Variants in SLC17A9 observed in about 807,000 individuals in gnomAD.
SLC17A9 encodes the protein solute carrier family 17 member 9.
Under a neutral mutation model 55.0 loss-of-function variants are expected in SLC17A9, and 49 were observed. The observed-to-expected ratio is 0.89, with a 90% CI of 0.71 to 1.13. SLC17A9 has a LOEUF of 1.13. Among genes scored for constraint, SLC17A9 ranks in the 50% most tolerant of loss-of-function variants. The pLI, the probability that SLC17A9 is intolerant of heterozygous loss-of-function variation, is 0.00. For synonymous variants in SLC17A9, 256 were observed against 247.4 expected, an observed-to-expected ratio of 1.03 and a Z score of -0.32; for missense variants, 526 against 569.3, an observed-to-expected ratio of 0.92 and a Z score of 0.77.
At chr20:62,965,462 G>C (rs951686307) in intron 9 of SLC17A9, 148 bp from the exon 10 acceptor site, 11 of 780,266 alleles carry the variant, frequency 1.4e-5, no homozygotes, top group Non-Finnish European at 1.9e-5. Flanking sequence ...ACCTCCTCTA[G>C]GGGGCCTGGT....
intron 1 of SLC17A9, chr20:62,953,155 TG>T: frequency 6.5e-7 from 1 of 1,529,920 alleles, no homozygotes; most frequent in South Asian, 1.2e-5. Flanking sequence ...GGCAGGGCTA[TG>T]TTCCCCAGGC....
rs552333138 is a variant in SLC17A9, at chr20:62,966,544, C to G, written c.1081C>G (p.Gln361Glu). 3 of 1,613,966 alleles carry G rather than the reference C, an allele frequency of 1.9e-6. No individual in the cohort carries two copies. In the East Asian group the frequency reaches 6.7e-5, roughly 36 times the overall value. The change falls in exon 11 of 13, where the codon CAG becomes GAG. Residue 361 changes from glutamine (Q) to glutamate (E), a missense_variant. Physicochemically the swap from Gln to Glu is conservative, Grantham distance 29. Coordinates refer to ENST00000370351, the MANE Select transcript of SLC17A9 (RefSeq NM_022082.4). Reference protein sequence around the residue: ...FNHSGISVNIQDLAPSCAGFL... With the variant: ...FNHSGISVNIEDLAPSCAGFL... ...CCACAGTGGCATTTCTGTTAACATC[C>G]AGGACTTGGCCCCGTCCTGCGCCGG...
intron 8 of SLC17A9, among the ~76,000 whole-genome samples, chr20:62,964,591 T>C (rs1351394530): frequency 1.3e-5 from 2 of 152,142 alleles, no homozygotes; most frequent in Non-Finnish European, 2.9e-5. Flanking sequence ...GTTACAAGCA[T>C]CCTTGAACCT....
Position 62,967,345 on chromosome 20 carries a change from G to A in SLC17A9, c.1156G>A (p.Gly386Ser). 1 of 1,614,084 alleles carries A rather than the reference G, an allele frequency of 6.2e-7. No homozygotes were observed. Among genetic ancestry groups the A allele is most frequent in the Non-Finnish European group, 8.5e-7 (1 of 1,179,982 alleles). Reference protein sequence around the residue: ...NTAGALAGVVGVCLGGYLMET... With the variant: ...NTAGALAGVVSVCLGGYLMET... ...GGCCCTCTCTTGGGCAGGTGTCGTG[G>A]GTGTGTGTCTAGGCGGCTACTTGAT... The change falls in exon 13 of 13, where the codon GGT becomes AGT. Residue 386 changes from glycine (G) to serine (S), a missense_variant. Transcript: ENST00000370351.
intron 10 of SLC17A9, 85 bp downstream of exon 10, chr20:62,965,810 C>T: frequency 1.6e-6 from 2 of 1,285,960 alleles, no homozygotes; most frequent in Admixed American, 3.6e-5. Context: ...GCTCTGTCCG[C>T]CTCTCTCAGT....
chr20:62,965,761 G>A (rs775347923), intron 10 of SLC17A9, 36 bp downstream of exon 10: 124 of 1,602,220 alleles, frequency 7.7e-5, no homozygotes, highest in Non-Finnish European at 1.0e-4. Flanking sequence ...AGAGCGCCGT[G>A]CTGCCCGCAC....
At chr20:62,964,999 A>T in intron 8 of SLC17A9, 133 bp from the exon 9 acceptor site, 2 of 1,025,152 alleles carry the variant, frequency 2.0e-6, no homozygotes, top group Non-Finnish European at 3.0e-6. Context: ...TGCCTGCAGC[A>T]CGGGATAGCT....
intron 4 of SLC17A9, among the ~76,000 whole-genome samples, 173 bp downstream of exon 4, chr20:62,960,776 C>T (rs1195173659): frequency 6.6e-6 from 1 of 152,258 alleles, no homozygotes; most frequent in Non-Finnish European, 1.5e-5. Context: ...TCTGCAGGTA[C>T]CAGCCCCGGG....
In SLC17A9 at chr20:62,962,607, TCC is replaced by T; in HGVS notation, c.498-13_498-12del. On this transcript the variant is annotated splice_polypyrimidine_tract_variant and intron_variant, in intron 4 of 12. Transcript: ENST00000370351. This position sits in a 1 kb window ranked among gnomAD's most constrained non-coding sequence, Gnocchi z 5.5. ...GTGCCGCTGAGGGGCCTGGCCACAC[TCC>T]CCCTGTCTTTGCAGGACGCTGCTGA... The T allele has an allele frequency of 6.2e-7, 1 of 1,612,008 alleles. No individual in the cohort carries two copies. Among genetic ancestry groups the T allele is most frequent in the African/African-American group, 1.3e-5 (1 of 74,968 alleles).
rs756830899 is a variant in SLC17A9, at chr20:62,962,898, G to C, written c.628+144G>C. The C allele has an allele frequency of 4.1e-6, 5 of 1,220,042 alleles. No homozygotes were observed. The highest frequency in any genetic ancestry group is 4.7e-5 in the Admixed American group (2 of 42,470). The allele number at this position is 1,220,042 out of a possible 1,614,324, so 75.6% of individuals were successfully genotyped here. ...AAAGAATCCGCCAGTGAGGAAAAGCGCTCGGGTGCTGAGCTGTCAGCGGCT... is the reference window on the plus strand; with the variant it reads ...AAAGAATCCGCCAGTGAGGAAAAGCCCTCGGGTGCTGAGCTGTCAGCGGCT... On this transcript the variant is annotated intron_variant, in intron 5 of 12. Transcript: ENST00000370351. The surrounding 1 kb of genome is among the most constrained non-coding windows in gnomAD (Gnocchi z 5.5).
At chr20:62,953,345 G>A in intron 1 of SLC17A9, 4 of 1,498,338 alleles carry the variant, frequency 2.7e-6, no homozygotes, top group African/African-American at 1.4e-5. Flanking sequence ...CCAGCTGTGT[G>A]CTGAGGACGA....
Position 62,967,567 on chromosome 20 carries a change from T to G in SLC17A9, c.*67T>G. On this transcript the variant is annotated 3_prime_UTR_variant, in exon 13 of 13. Transcript: ENST00000370351. ...GCCCCAGGACACAGGGGACTCAGTGTGTGGGACTTGGTCACTCCATGTCAG... is the reference window on the plus strand; with the variant it reads ...GCCCCAGGACACAGGGGACTCAGTGGGTGGGACTTGGTCACTCCATGTCAG... 6.5e-7 allele frequency: 1 copy of G among 1,537,558 alleles called. No individual in the cohort carries two copies. The highest frequency in any genetic ancestry group is 1.2e-5 in the South Asian group (1 of 83,856).
intron 3 of SLC17A9, among the ~76,000 whole-genome samples, chr20:62,957,836 C>T (rs542246340): frequency 1.5e-5 from 2 of 137,650 alleles, no homozygotes; most frequent in South Asian, 2.5e-4. Flanking sequence ...TGCCCGCGTG[C>T]ATGCGTGCAC....
At chr20:62,959,843 G>T (rs1052800140) in intron 3 of SLC17A9, among the ~76,000 whole-genome samples, 1 of 152,258 alleles carries the variant, frequency 6.6e-6, no homozygotes, top group African/African-American at 2.4e-5. Context: ...CCGTGGCTCC[G>T]CGGTGCCTCC....
intron 4 of SLC17A9, 110 bp downstream of exon 4, chr20:62,960,713 T>C (rs951451079): frequency 2.3e-4 from 240 of 1,061,936 alleles, no homozygotes; most frequent in Middle Eastern, 8.9e-4. Context: ...AGGGCCACCA[T>C]GGTGAGGTGG....
intron 7 of SLC17A9, 122 bp from the exon 8 acceptor site, chr20:62,964,106 G>C: frequency 1.0e-6 from 1 of 953,030 alleles, no homozygotes; most frequent in East Asian, 2.4e-5. Flanking sequence ...AGCAGGGCTG[G>C]CCCTGCCGGA....
intron 3 of SLC17A9, 43 bp downstream of exon 3, chr20:62,957,623 G>A: frequency 6.8e-7 from 1 of 1,474,236 alleles, no homozygotes; most frequent in Non-Finnish European, 9.0e-7. Flanking sequence ...TCTGGCACCA[G>A]GTGGGGAGAC....
At chr20:62,964,809 G>A (rs536378279) in intron 8 of SLC17A9, among the ~76,000 whole-genome samples, 29 of 152,226 alleles carry the variant, frequency 1.9e-4, no homozygotes, top group South Asian at 4.1e-4. Context: ...ATACACACTC[G>A]TTGTGGAAAA....
rs1170848613 is a variant in SLC17A9 at position 62,958,899 on chromosome 20, G to A, written c.397+1319G>A. The stretch of plus-strand genomic sequence containing the variant: ...AGTGCATGGCCCACCCTCAGAAGAG[G>A]GTGCAGCGAGTGCAACTGAGGACTT... On this transcript the variant is annotated intron_variant, in intron 3 of 12. Transcript: ENST00000370351. The surrounding 1 kb of genome is among the most constrained non-coding windows in gnomAD (Gnocchi z 4.1). Among the ~76,000 whole-genome samples the A allele has an allele frequency of 3.3e-5, 5 of 152,174 alleles. No homozygotes were observed. The highest frequency in any genetic ancestry group is 5.9e-5 in the Non-Finnish European group (4 of 68,020).
Sources: allele counts gnomAD v4.1 joint callset (sites outside exome capture counted in the v4.1 genomes callset), GRCh38; gene constraint gnomAD v4.1.1; non-coding constraint Gnocchi (gnomAD v3.1); transcripts MANE v1.5; gene names NCBI Gene and HGNC (gene_info 2026-07-23, HGNC 2026-07-21).